TRAF3IP1: variants seen among roughly 807,000 people sequenced by gnomAD.
TRAF3IP1 encodes the protein TRAF3-interacting protein 1.
A neutral mutation model predicts 89.9 loss-of-function variants in TRAF3IP1; 53 were observed. The observed-to-expected ratio is 0.59, with a 90% CI of 0.47 to 0.74. TRAF3IP1 has a LOEUF of 0.74. TRAF3IP1 is among the 30% of genes least tolerant of loss of function. The pLI, the probability that TRAF3IP1 is intolerant of heterozygous loss-of-function variation, is 0.00. For synonymous variants in TRAF3IP1, 311 were observed against 322.1 expected (o/e 0.97, Z 0.37); for missense variants, 806 against 866.1 (o/e 0.93, Z 0.87).
intron 8 of TRAF3IP1, among the ~76,000 whole-genome samples, chr2:238,343,358 A>G (rs1698744763): frequency 6.6e-6 from 1 of 152,116 alleles, no homozygotes. Context: ...TGCTGGGATT[A>G]TAGGCGTGAG....
intron 8 of TRAF3IP1, among the ~76,000 whole-genome samples, chr2:238,339,110 T>C (rs1406357955): frequency 6.6e-6 from 1 of 152,236 alleles, no homozygotes. Context: ...TGTATCTGTC[T>C]GACTTTTACA....
chr2:238,383,074 T>G (rs1435510241), intron 15 of TRAF3IP1, among the ~76,000 whole-genome samples: 1 of 152,174 alleles, frequency 6.6e-6, no homozygotes, highest in African/African-American at 2.4e-5. Context: ...AGCCTTCCCT[T>G]GGCTTCCGGA....
At chr2:238,386,743 A>G (rs141070825) in intron 15 of TRAF3IP1, among the ~76,000 whole-genome samples, 29 of 152,328 alleles carry the variant, frequency 1.9e-4, no homozygotes, top group African/African-American at 7.0e-4. Flanking sequence ...TCCATCAGAA[A>G]GGCCAGTTTG....
At chr2:238,346,903 C>T (rs1412144996) in intron 9 of TRAF3IP1, among the ~76,000 whole-genome samples, 1 of 152,214 alleles carries the variant, frequency 6.6e-6, no homozygotes, top group African/African-American at 2.4e-5. Context: ...TCACATTTGT[C>T]CTCAAGACAA....
intron 15 of TRAF3IP1, among the ~76,000 whole-genome samples, chr2:238,386,369 G>A (rs1700773458): frequency 6.6e-6 from 1 of 152,170 alleles, no homozygotes; most frequent in Non-Finnish European, 1.5e-5. Flanking sequence ...CTAGCGTGCA[G>A]TGGTGTGATT....
At chr2:238,381,869 C>CA (rs1409900791) in intron 15 of TRAF3IP1, among the ~76,000 whole-genome samples, 4 of 151,746 alleles carry the variant, frequency 2.6e-5, no homozygotes, top group African/African-American at 9.7e-5. Context: ...AAGCGAAAAG[C>CA]AAAAAAATGA....
intron 8 of TRAF3IP1, among the ~76,000 whole-genome samples, chr2:238,341,312 A>T (rs569185163): frequency 6.6e-6 from 1 of 152,112 alleles, no homozygotes; most frequent in Non-Finnish European, 1.5e-5. Context: ...ATAAGCCAGC[A>T]GACCCAGCAT....
intron 8 of TRAF3IP1, among the ~76,000 whole-genome samples, chr2:238,338,736 C>T (rs114845824): frequency 1.8e-4 from 28 of 152,282 alleles, no homozygotes; most frequent in African/African-American, 6.5e-4. Flanking sequence ...ATCTTGCTGT[C>T]GGGATCTCAC....
intron 1 of TRAF3IP1, 73 bp downstream of exon 1, chr2:238,320,858 C>G (rs762562435): frequency 1.7e-6 from 2 of 1,180,472 alleles, no homozygotes; most frequent in South Asian, 6.6e-5. Context: ...GGGCCCGGGC[C>G]GGGTGGCGCC....
chr2:238,356,328 C>T (rs1484469417), intron 15 of TRAF3IP1, among the ~76,000 whole-genome samples: 2 of 152,180 alleles, frequency 1.3e-5, no homozygotes, highest in African/African-American at 4.8e-5. Flanking sequence ...GAAACCCTGT[C>T]TTTACAAAAA....
chr2:238,352,711 C>G (rs1699227376), intron 12 of TRAF3IP1, 116 bp from the exon 13 acceptor site: 1 of 1,034,842 alleles, frequency 9.7e-7, no homozygotes, highest in East Asian at 2.6e-5. Context: ...AGATGCTGTT[C>G]TAGCTAGAGA....
chr2:238,336,884 G>T (rs1414126958), intron 7 of TRAF3IP1, among the ~76,000 whole-genome samples: 2 of 152,048 alleles, frequency 1.3e-5, no homozygotes, highest in African/African-American at 2.4e-5. Context: ...TGGAGGCTGT[G>T]AGTGAATGTT....
intron 15 of TRAF3IP1, among the ~76,000 whole-genome samples, chr2:238,381,322 T>C (rs187210307): frequency 6.6e-6 from 1 of 152,170 alleles, no homozygotes; most frequent in Non-Finnish European, 1.5e-5. Context: ...TCTTTGGGAC[T>C]TGCAGATGGG....
Position 238,328,992 on chromosome 2 carries a change from A to G in TRAF3IP1, c.565A>G (p.Lys189Glu). Residue 189 changes from lysine to glutamate, a missense_variant, in exon 5 of 17, where the codon AAA becomes GAA. Lys to Glu is a moderately conservative substitution (Grantham distance 56). Around this residue, in one of 3 missense-constraint regions of TRAF3IP1, gnomAD observed 732 missense variants for 780.5 expected, o/e 0.94. Coordinates refer to ENST00000373327, the MANE Select transcript of TRAF3IP1 (RefSeq NM_015650.4). ...AGATCGAAAACAGAAGGAAGAATTG[A>G]AAGAAGACCGCAAGCCAAGAGAAAA... ...SRDRKQKEEL[K>E]EDRKPREKDK... is the part of the protein sequence containing the mutation. 2 of 1,552,026 alleles carry G rather than the reference A, an allele frequency of 1.3e-6. No homozygotes were observed. The highest frequency in any genetic ancestry group is 1.7e-6 in the Non-Finnish European group (2 of 1,147,420).
chr2:238,324,477 A>G lies in TRAF3IP1; in HGVS notation c.124-829A>G, dbSNP rs370339871. ...TCCTTCAGCTCAGTTCATGTCCCTG[A>G]GTGGCTTCACAGGGCCTCTGCACCA... On this transcript the variant is annotated intron_variant, in intron 1 of 16. Coordinates refer to ENST00000373327, the MANE Select transcript of TRAF3IP1 (RefSeq NM_015650.4). Among the ~76,000 whole-genome samples, 8 of 152,192 alleles carry G rather than the reference A, an allele frequency of 5.3e-5. 1 individual carries two copies. In the East Asian group the frequency reaches 1.5e-3, roughly 29 times the overall value.
chr2:238,377,372 C>T (rs576379511), intron 15 of TRAF3IP1, among the ~76,000 whole-genome samples: 9 of 149,918 alleles, frequency 6.0e-5, no homozygotes, highest in South Asian at 2.1e-4. Flanking sequence ...GGACTGCAGG[C>T]GAGTGCCACT....
chr2:238,325,327 A>G lies in TRAF3IP1; in HGVS notation c.145A>G (p.Met49Val). 1 of 1,614,106 alleles carries G rather than the reference A, an allele frequency of 6.2e-7. No individual in the cohort carries two copies. The highest frequency in any genetic ancestry group is 1.1e-5 in the South Asian group (1 of 91,072). Reference protein sequence around the residue: ...ITEVIRMTGFMKGLYTDAEMK... With the variant: ...ITEVIRMTGFVKGLYTDAEMK... ...GAAGGTGATTAGAATGACTGGTTTC[A>G]TGAAGGGCCTCTACACAGACGCCGA... Residue 49 changes from methionine (M) to valine (V), a missense_variant, in exon 2 of 17, where the codon ATG becomes GTG. Met to Val is a conservative substitution (Grantham distance 21). This residue lies in a region of TRAF3IP1 where 732 missense variants were observed against 780.5 expected (regional missense o/e 0.94). Coordinates refer to ENST00000373327, the MANE Select transcript of TRAF3IP1 (RefSeq NM_015650.4).
chr2:238,359,848 C>T (rs905889160), intron 15 of TRAF3IP1, among the ~76,000 whole-genome samples: 5 of 151,978 alleles, frequency 3.3e-5, no homozygotes, highest in Middle Eastern at 3.2e-3. Flanking sequence ...TGATACGTTC[C>T]GATGATAAAG....
intron 8 of TRAF3IP1, among the ~76,000 whole-genome samples, chr2:238,341,101 G>T (rs1041903406): frequency 6.6e-6 from 1 of 151,952 alleles, no homozygotes; most frequent in East Asian, 1.9e-4. Flanking sequence ...GCTCACTGCA[G>T]TCTTGAACTC....
Sources: allele counts gnomAD v4.1 joint callset (sites outside exome capture counted in the v4.1 genomes callset), GRCh38; gene constraint gnomAD v4.1.1; regional missense constraint gnomAD v4.1.1; transcripts MANE v1.5; gene names NCBI Gene and HGNC (gene_info 2026-07-23, HGNC 2026-07-21).